FRMD6: variants seen among roughly 807,000 people sequenced by gnomAD.
The protein encoded by FRMD6 is FERM domain-containing protein 6.
FRMD6 carries 37 observed loss-of-function variants against 73.2 expected under a neutral mutation model. That is an observed-to-expected ratio of 0.51 (90% CI 0.39 to 0.66). The LOEUF (loss-of-function observed/expected upper bound fraction) is 0.66, where lower values mean the gene tolerates loss of function less well. Among genes scored for constraint, FRMD6 ranks in the 30% least tolerant of loss-of-function variants. The pLI, the probability that FRMD6 is intolerant of heterozygous loss-of-function variation, is 0.00. For missense variants in FRMD6, 714 were observed against 780.5 expected, an observed-to-expected ratio of 0.91 and a Z score of 1.02; for synonymous variants, 273 against 282.2, an observed-to-expected ratio of 0.97 and a Z score of 0.33.
intron 1 of FRMD6, among the ~76,000 whole-genome samples, chr14:51,548,937 C>T (rs959302670): frequency 6.6e-6 from 1 of 152,172 alleles, no homozygotes; most frequent in Non-Finnish European, 1.5e-5. Flanking sequence ...TGGACCAAGG[C>T]GATTGGCATT....
At chr14:51,436,801 AG>A in the FRMD6 span, 3 of 542,448 alleles carry the variant, frequency 5.5e-6, no homozygotes, top group Non-Finnish European at 6.6e-6. Context: ...AAGGAGAAGG[AG>A]AAGATGATGA....
At chr14:51,534,535 T>C (rs1013992204) in intron 1 of FRMD6, among the ~76,000 whole-genome samples, 2 of 152,248 alleles carry the variant, frequency 1.3e-5, no homozygotes, top group Non-Finnish European at 2.9e-5. Context: ...CAGGTCTATG[T>C]AAATATCACC....
At chr14:51,704,606 C>T (rs891867883) in intron 5 of FRMD6, 143 bp from the exon 6 acceptor site, 4 of 656,178 alleles carry the variant, frequency 6.1e-6, no homozygotes, top group Non-Finnish European at 7.6e-6. Flanking sequence ...TAGCTACAAC[C>T]GCTTCCTTTT....
At chr14:51,531,537 G>A (rs192449912) in intron 1 of FRMD6, among the ~76,000 whole-genome samples, 32 of 152,234 alleles carry the variant, frequency 2.1e-4, no homozygotes, top group Admixed American at 1.6e-3. Flanking sequence ...TTAATAGTAC[G>A]GTGCCAATGT....
the FRMD6 span, among the ~76,000 whole-genome samples, chr14:51,450,183 G>A: frequency 6.6e-6 from 1 of 152,206 alleles, no homozygotes; most frequent in African/African-American, 2.4e-5. Context: ...TGAGATAGCA[G>A]TGAGGAAAGT....
the FRMD6 span, among the ~76,000 whole-genome samples, chr14:51,406,339 G>T: frequency 6.6e-6 from 1 of 150,918 alleles, no homozygotes; most frequent in Admixed American, 6.6e-5. Flanking sequence ...AGAATTTTTA[G>T]TTTTTTTTTA....
chr14:51,661,270 A>T (rs933242556), intron 1 of FRMD6, among the ~76,000 whole-genome samples: 2 of 152,206 alleles, frequency 1.3e-5, no homozygotes, highest in Non-Finnish European at 2.9e-5. Flanking sequence ...GCCTTGGGGC[A>T]TATCAGTATT....
At chr14:51,433,652 T>C in the FRMD6 span, among the ~76,000 whole-genome samples, 4 of 152,258 alleles carry the variant, frequency 2.6e-5, no homozygotes, top group East Asian at 7.7e-4. Flanking sequence ...AGTAACGAGA[T>C]TGGTTACCTA....
chr14:51,700,410 T>C (rs1896232233), intron 3 of FRMD6, among the ~76,000 whole-genome samples: 1 of 152,078 alleles, frequency 6.6e-6, no homozygotes, highest in African/African-American at 2.4e-5. Context: ...CTGGAAGGGA[T>C]GTTTTGGCAT....
At chr14:51,510,406 T>C (rs1884230610) in intron 1 of FRMD6, among the ~76,000 whole-genome samples, 1 of 152,236 alleles carries the variant, frequency 6.6e-6, no homozygotes, top group Non-Finnish European at 1.5e-5. Context: ...TCTTTCTTTT[T>C]AACTTTCAAT....
the FRMD6 span, among the ~76,000 whole-genome samples, chr14:51,456,621 GTCT>G: frequency 1.3e-5 from 2 of 151,982 alleles, no homozygotes; most frequent in East Asian, 3.9e-4. Context: ...CTGCATAAAT[GTCT>G]TCTTCTGAGA....
At chr14:51,647,874 G>A (rs1246221948), upstream of FRMD6, among the ~76,000 whole-genome samples, 1 of 152,130 alleles carries the variant, frequency 6.6e-6, no homozygotes, top group African/African-American at 2.4e-5. Context: ...TGCCTAGGCT[G>A]GAGTGCAATG....
chr14:51,436,164 G>A, the FRMD6 span: 1 of 268,228 alleles, frequency 3.7e-6, no homozygotes. Flanking sequence ...AGAGCAAGAA[G>A]CAATTGAACA....
chr14:51,543,915 C>G (rs1886331581), intron 1 of FRMD6, among the ~76,000 whole-genome samples: 1 of 152,002 alleles, frequency 6.6e-6, no homozygotes. Context: ...GAATTCGCAC[C>G]ATACTCTTGT....
chr14:51,484,024 T>C, the FRMD6 span, among the ~76,000 whole-genome samples: 3 of 152,194 alleles, frequency 2.0e-5, no homozygotes, highest in Admixed American at 2.0e-4. Context: ...CGTTACACCA[T>C]GTTGTCTTAG....
chr14:51,529,817 G>A (rs1885479618), intron 1 of FRMD6, among the ~76,000 whole-genome samples: 1 of 152,182 alleles, frequency 6.6e-6, no homozygotes, highest in African/African-American at 2.4e-5. Flanking sequence ...TCCTGTGACT[G>A]GAAATCAGTT....
intron 2 of FRMD6, among the ~76,000 whole-genome samples, chr14:51,614,455 T>C (rs778853617): frequency 1.3e-5 from 2 of 152,218 alleles, no homozygotes; most frequent in South Asian, 2.1e-4. Context: ...CTTGGTTTAT[T>C]AACTCTGTAA....
chr14:51,654,538 T>C (rs1892687091), intron 1 of FRMD6, among the ~76,000 whole-genome samples: 2 of 151,938 alleles, frequency 1.3e-5, no homozygotes, highest in Admixed American at 1.3e-4. Context: ...TCTTTGTAGT[T>C]TTCGATTTGG....
chr14:51,553,359 A>G (rs912399427), intron 1 of FRMD6, among the ~76,000 whole-genome samples: 2 of 152,260 alleles, frequency 1.3e-5, no homozygotes, highest in East Asian at 1.9e-4. Flanking sequence ...AGATCAGAGT[A>G]CATCAAAACA....
Sources: gnomAD v4.1 joint callset for allele counts (sites outside exome capture counted in the v4.1 genomes callset) on GRCh38, gnomAD v4.1.1 for gene constraint, MANE v1.5 for transcripts, NCBI Gene and HGNC (gene_info 2026-07-23, HGNC 2026-07-21) for gene names.